GPM6B: variants seen among roughly 807,000 people sequenced by gnomAD.
The protein encoded by GPM6B is neuronal membrane glycoprotein M6-b.
A neutral mutation model predicts 27.2 loss-of-function variants in GPM6B; 4 were observed. The ratio of observed to expected loss-of-function variants is 0.15; its 90% CI spans 0.07 to 0.34. GPM6B has a LOEUF of 0.34. Among genes scored for constraint, GPM6B ranks in the 10% least tolerant of loss-of-function variants. The probability of loss-of-function intolerance (pLI) is 1.00; values close to 1 mark genes in which losing one functional copy is unlikely to be tolerated. For missense variants in GPM6B, 183 were observed against 261.9 expected (o/e 0.70, Z 2.08); for synonymous variants, 124 against 103.1 (o/e 1.20, Z -1.23).
intron 1 of GPM6B, among the ~76,000 whole-genome samples, chrX:13,915,806 A>G (rs1453514603): frequency 8.9e-6 from 1 of 112,485 alleles, no homozygotes; most frequent in Non-Finnish European, 1.9e-5. Flanking sequence ...TATAATAGGT[A>G]TGTATGTACA....
At chrX:13,887,178 A>G (rs1180397891) in intron 1 of GPM6B, among the ~76,000 whole-genome samples, 3 of 112,350 alleles carry the variant, frequency 2.7e-5, no homozygotes, top group Non-Finnish European at 5.6e-5. Context: ...CTGTCCACTG[A>G]TAAATGCTTT....
chrX:13,792,467 C>T (rs1183069176), intron 2 of GPM6B, among the ~76,000 whole-genome samples: 4 of 111,421 alleles, frequency 3.6e-5, no homozygotes, highest in Admixed American at 9.5e-5. Context: ...TTGGTTGTTA[C>T]AACTGAGGGT....
At chrX:13,809,915 C>T (rs868262895) in intron 1 of GPM6B, among the ~76,000 whole-genome samples, 1 of 48,298 alleles carries the variant, frequency 2.1e-5, no homozygotes, top group African/African-American at 8.7e-5. Flanking sequence ...CCAGCCTGGG[C>T]AAAAAAAAAA....
chrX:13,787,551 C>T (rs1423565852), intron 2 of GPM6B, among the ~76,000 whole-genome samples: 4 of 111,310 alleles, frequency 3.6e-5, no homozygotes, highest in African/African-American at 6.5e-5. Context: ...AGCAAGACTC[C>T]GTCTCAAAAA....
chrX:13,838,668 G>C (rs779325365), intron 1 of GPM6B, among the ~76,000 whole-genome samples: 89 of 112,133 alleles, frequency 7.9e-4, no homozygotes, highest in Non-Finnish European at 1.5e-3. Flanking sequence ...GCTAGGCTCT[G>C]GAAGGCCCAT....
chrX:13,845,210 A>C (rs970306033), intron 1 of GPM6B, among the ~76,000 whole-genome samples: 1 of 110,715 alleles, frequency 9.0e-6, no homozygotes, highest in Non-Finnish European at 1.9e-5. Context: ...CGCTGGTCTC[A>C]AACTCCTGAC....
chrX:13,820,435 C>T (rs1384876326), upstream of GPM6B, among the ~76,000 whole-genome samples: 1 of 110,416 alleles, frequency 9.1e-6, no homozygotes, highest in Non-Finnish European at 1.9e-5. Flanking sequence ...GATTATCAAG[C>T]GTGGTTGAAG....
chrX:13,917,139 G>T (rs2050437581), intron 1 of GPM6B, among the ~76,000 whole-genome samples: 1 of 111,497 alleles, frequency 9.0e-6, no homozygotes, highest in African/African-American at 3.3e-5. Context: ...TTGAGCCCAG[G>T]AGGCCGAGGT....
intron 2 of GPM6B, among the ~76,000 whole-genome samples, chrX:13,795,943 T>C (rs2048806522): frequency 9.2e-6 from 1 of 108,752 alleles, no homozygotes; most frequent in African/African-American, 3.4e-5. Flanking sequence ...TATTTTATTT[T>C]GAGATGGAGT....
intron 1 of GPM6B, among the ~76,000 whole-genome samples, chrX:13,864,001 A>C (rs2049881025): frequency 8.9e-6 from 1 of 112,367 alleles, no homozygotes; most frequent in Non-Finnish European, 1.9e-5. Flanking sequence ...GAAAACAAAT[A>C]ATAGCAGGCC....
chrX:13,934,250 C>T (rs1256144694), intron 1 of GPM6B, among the ~76,000 whole-genome samples: 2 of 111,337 alleles, frequency 1.8e-5, no homozygotes, highest in Admixed American at 9.5e-5. Context: ...CAAGGGTGGG[C>T]TCCTTACTAG....
intron 1 of GPM6B, among the ~76,000 whole-genome samples, chrX:13,936,449 G>A (rs932166500): frequency 1.8e-5 from 2 of 111,774 alleles, no homozygotes; most frequent in Admixed American, 9.5e-5. Flanking sequence ...GACTTAATGG[G>A]CCAATGGTCA....
At chrX:13,938,563 G>A, upstream of GPM6B, 1 of 805,646 alleles carries the variant, frequency 1.2e-6, no homozygotes, top group Non-Finnish European at 1.6e-6. Context: ...GGCTCCCCGG[G>A]GACGGGCAGA....
At chrX:13,820,861 A>AC (rs1241550390), upstream of GPM6B, among the ~76,000 whole-genome samples, 2 of 111,611 alleles carry the variant, frequency 1.8e-5, no homozygotes, top group African/African-American at 3.3e-5. Flanking sequence ...TCAATGTTAA[A>AC]CAACCAGGGA....
At chrX:13,813,183 GT>G (rs2049170082) in intron 1 of GPM6B, among the ~76,000 whole-genome samples, 1 of 110,668 alleles carries the variant, frequency 9.0e-6, no homozygotes, top group South Asian at 3.8e-4. Flanking sequence ...GTCCCTTTGG[GT>G]TTTTAATCAC....
At chrX:13,822,088 G>C (rs1449217352), upstream of GPM6B, among the ~76,000 whole-genome samples, 1 of 111,572 alleles carries the variant, frequency 9.0e-6, no homozygotes, top group Admixed American at 9.5e-5. Context: ...TCAGGGGGCA[G>C]TCATTAATCA....
upstream of GPM6B, among the ~76,000 whole-genome samples, chrX:13,820,386 T>C (rs1330298363): frequency 1.0e-4 from 11 of 110,472 alleles, no homozygotes; most frequent in Admixed American, 3.9e-4. Context: ...TGGGAACCAA[T>C]ATGGGGAACC....
intron 1 of GPM6B, among the ~76,000 whole-genome samples, chrX:13,857,777 T>C (rs2049798173): frequency 8.9e-6 from 1 of 112,973 alleles, no homozygotes; most frequent in Non-Finnish European, 1.9e-5. Flanking sequence ...GAGCACCAAC[T>C]GTGCAGTGGC....
chrX:13,775,571 A>G (rs2048397618), intron 7 of GPM6B, among the ~76,000 whole-genome samples: 1 of 112,512 alleles, frequency 8.9e-6, no homozygotes, highest in Non-Finnish European at 1.9e-5. Context: ...ACCAGAGAAA[A>G]TGTTCATTAG....
Sources: allele counts gnomAD v4.1 joint callset (sites outside exome capture counted in the v4.1 genomes callset), GRCh38; gene constraint gnomAD v4.1.1; transcripts MANE v1.5; gene names NCBI Gene and HGNC (gene_info 2026-07-23, HGNC 2026-07-21).